FAM135B: variants seen among roughly 807,000 people sequenced by gnomAD.
The protein encoded by FAM135B is family with sequence similarity 135 member B, also known as protein FAM135B.
A neutral mutation model predicts 127.7 loss-of-function variants in FAM135B; 43 were observed. The ratio of observed to expected loss-of-function variants is 0.34; its 90% CI spans 0.26 to 0.43. The LOEUF (loss-of-function observed/expected upper bound fraction) is 0.43. FAM135B is among the 20% of genes least tolerant of loss of function. FAM135B has a pLI of 1.00. For missense variants in FAM135B, 1,558 were observed against 1,725.6 expected (o/e 0.90, Z 1.72); for synonymous variants, 670 against 665.1 (o/e 1.01, Z -0.11).
At chr8:138,456,141 G>C (rs1040547994) in intron 1 of FAM135B, among the ~76,000 whole-genome samples, 5 of 152,192 alleles carry the variant, frequency 3.3e-5, no homozygotes, top group African/African-American at 1.2e-4. Context: ...GGATTCAACA[G>C]GTCTCCCCTG....
chr8:138,177,554 G>T, intron 10 of FAM135B, 134 bp from the exon 11 acceptor site: 2 of 718,644 alleles, frequency 2.8e-6, no homozygotes, highest in Non-Finnish European at 4.5e-6. Context: ...TGACCTGAAG[G>T]TTCTGAATCA....
At chr8:138,454,399 T>G (rs181670329) in intron 1 of FAM135B, among the ~76,000 whole-genome samples, 11 of 152,286 alleles carry the variant, frequency 7.2e-5, no homozygotes, top group African/African-American at 2.4e-4. Context: ...TGAGGGATAT[T>G]ATAGTCTTAG....
chr8:138,186,351 A>T (rs148219839), intron 9 of FAM135B, among the ~76,000 whole-genome samples: 1,947 of 152,318 alleles, frequency 0.013, 42 homozygotes, highest in African/African-American at 0.043. Context: ...TAAGAATTGT[A>T]TGGAGTAAAG....
chr8:138,393,574 G>A (rs75248343), intron 1 of FAM135B, among the ~76,000 whole-genome samples: 5,039 of 152,234 alleles, frequency 0.033, 122 homozygotes, highest in South Asian at 0.062. Context: ...GGGTACAGAT[G>A]CATGAACAGA....
At chr8:138,190,060 G>A (rs535602160) in intron 9 of FAM135B, among the ~76,000 whole-genome samples, 16 of 152,134 alleles carry the variant, frequency 1.1e-4, no homozygotes, top group Non-Finnish European at 1.6e-4. Context: ...ACAGCCCCTC[G>A]TCTGCTCCGC....
chr8:138,362,000 C>A (rs1344931816), intron 2 of FAM135B, among the ~76,000 whole-genome samples: 1 of 151,958 alleles, frequency 6.6e-6, no homozygotes, highest in African/African-American at 2.4e-5. Context: ...TTTGTGGGTA[C>A]ATAGTAGGTA....
intron 3 of FAM135B, among the ~76,000 whole-genome samples, chr8:138,308,787 G>A (rs939606323): frequency 6.6e-6 from 1 of 152,266 alleles, no homozygotes; most frequent in South Asian, 2.1e-4. Context: ...TCCGGTGACA[G>A]GACCCAAGCT....
At chr8:138,281,540 A>G (rs926788976) in intron 3 of FAM135B, among the ~76,000 whole-genome samples, 14 of 151,910 alleles carry the variant, frequency 9.2e-5, no homozygotes, top group Admixed American at 8.5e-4. Context: ...TTTAGTCCAC[A>G]TTATACTTGG....
intron 7 of FAM135B, among the ~76,000 whole-genome samples, chr8:138,230,931 T>C (rs1029637055): frequency 1.3e-5 from 2 of 152,222 alleles, no homozygotes; most frequent in Non-Finnish European, 2.9e-5. Context: ...TAAAATCTGC[T>C]TTGTTGCTTG....
At chr8:138,278,799 A>C (rs1427232037) in intron 3 of FAM135B, among the ~76,000 whole-genome samples, 1 of 152,014 alleles carries the variant, frequency 6.6e-6, no homozygotes, top group Admixed American at 6.5e-5. Context: ...TTTTTTCTTA[A>C]AAAACTTCAT....
Position 138,379,593 on chromosome 8 carries a change from G to A in FAM135B, c.-19-11591C>T, listed in dbSNP as rs1831706819. Among the ~76,000 whole-genome samples, 3 of 152,060 alleles carry A rather than the reference G, an allele frequency of 2.0e-5. No homozygotes were observed. The South Asian group carries it at 6.2e-4, about 32-fold the overall frequency. On this transcript the variant is annotated intron_variant, in intron 1 of 19. Transcript: ENST00000395297. ...TAGGGAAAGACATAGGCAACGTCCA[G>A]GGCCCAGGTACCAGGACTCCAAGCT... is the stretch of plus-strand genomic sequence containing the variant.
intron 1 of FAM135B, among the ~76,000 whole-genome samples, chr8:138,376,447 C>T (rs144179979): frequency 6.6e-6 from 1 of 152,272 alleles, no homozygotes; most frequent in African/African-American, 2.4e-5. Context: ...GTGTATTCTC[C>T]ACCCTCTCAC....
chr8:138,342,112 C>T (rs1829090504), intron 2 of FAM135B, among the ~76,000 whole-genome samples: 1 of 152,174 alleles, frequency 6.6e-6, no homozygotes, highest in Non-Finnish European at 1.5e-5. Flanking sequence ...ATCTCTTCAC[C>T]CATTTTATCC....
At chr8:138,381,447 G>C (rs1831852125) in intron 1 of FAM135B, among the ~76,000 whole-genome samples, 1 of 152,070 alleles carries the variant, frequency 6.6e-6, no homozygotes, top group African/African-American at 2.4e-5. Flanking sequence ...CCCCAACCTT[G>C]CCTTGTGCAT....
chr8:138,491,867 G>A (rs745688414), intron 1 of FAM135B, among the ~76,000 whole-genome samples: 1 of 152,202 alleles, frequency 6.6e-6, no homozygotes, highest in Non-Finnish European at 1.5e-5. Flanking sequence ...AATGTCCCAG[G>A]AGGAGGGAGT....
rs915265388 is a variant in FAM135B at position 138,168,124 on chromosome 8, C to T, written c.1104-75G>A. 1.3e-4 allele frequency: 191 copies of T among 1,485,828 alleles called. 1 individual carries two copies. Among genetic ancestry groups the T allele is most frequent in the Non-Finnish European group, 1.5e-4 (167 of 1,107,098 alleles). The allele number at this position is 1,485,828 out of a possible 1,614,324, so 92.0% of individuals were successfully genotyped here. On this transcript the variant is annotated intron_variant, in intron 11 of 19. Transcript: ENST00000395297. ...CAAACCGTTGCCCCCTCTTCCTAAT[C>T]CCGGGAAAATACTCGGTTCTCAGCT...
At chr8:138,364,892 G>A (rs1830646498) in intron 2 of FAM135B, among the ~76,000 whole-genome samples, 1 of 151,988 alleles carries the variant, frequency 6.6e-6, no homozygotes, top group Non-Finnish European at 1.5e-5. Flanking sequence ...GTGTCACCCA[G>A]GCTAGAGTGC....
intron 1 of FAM135B, among the ~76,000 whole-genome samples, chr8:138,489,166 T>G (rs1451088099): frequency 6.6e-6 from 1 of 152,216 alleles, no homozygotes. Flanking sequence ...CTAAAATGTA[T>G]GTGGATGTCA....
chr8:138,240,978 C>T (rs757401689), intron 7 of FAM135B, among the ~76,000 whole-genome samples: 12 of 152,176 alleles, frequency 7.9e-5, no homozygotes, highest in Non-Finnish European at 1.3e-4. Flanking sequence ...TAGATTCTGA[C>T]GTTCTGAGGG....
Sources: allele counts gnomAD v4.1 joint callset (sites outside exome capture counted in the v4.1 genomes callset), GRCh38; gene constraint gnomAD v4.1.1; transcripts MANE v1.5; gene names NCBI Gene and HGNC (gene_info 2026-07-23, HGNC 2026-07-21).